Variants in BAZ2B observed in about 807,000 individuals in gnomAD.
The protein encoded by BAZ2B is bromodomain adjacent to zinc finger domain protein 2B.
BAZ2B carries 91 observed loss-of-function variants against 246.0 expected under a neutral mutation model. The ratio of observed to expected loss-of-function variants is 0.37; its 90% CI spans 0.31 to 0.44. The LOEUF (loss-of-function observed/expected upper bound fraction) is 0.44, where lower values mean the gene tolerates loss of function less well. Ranked by LOEUF, BAZ2B falls within the 20% of genes least tolerant of loss-of-function variation. The pLI is 1.00. For synonymous variants in BAZ2B, 855 were observed against 860.0 expected (o/e 0.99, Z 0.10); for missense variants, 2,332 against 2,533.7 (o/e 0.92, Z 1.71).
intron 2 of BAZ2B, among the ~76,000 whole-genome samples, chr2:159,539,812 T>C (rs2086445707): frequency 6.6e-6 from 1 of 152,212 alleles, no homozygotes; most frequent in Non-Finnish European, 1.5e-5. Context: ...TCTGCCTACC[T>C]TTATTCCCAC....
chr2:159,469,437 T>C (rs773402244), intron 3 of BAZ2B, among the ~76,000 whole-genome samples: 114 of 152,060 alleles, frequency 7.5e-4, no homozygotes, highest in Admixed American at 2.2e-3. Context: ...ACTTATTTTA[T>C]TTATTTATTT....
intron 6 of BAZ2B, 148 bp from the exon 7 acceptor site, chr2:159,439,360 T>TTTAACAACAAC: frequency 1.4e-6 from 1 of 709,860 alleles, no homozygotes; most frequent in Admixed American, 2.9e-5. Context: ...AGGATAATTA[T>TTTAACAACAAC]TTAACAAACT....
chr2:159,335,220 T>C (rs2065420998), intron 33 of BAZ2B, among the ~76,000 whole-genome samples: 1 of 152,190 alleles, frequency 6.6e-6, no homozygotes, highest in Non-Finnish European at 1.5e-5. Flanking sequence ...GTAAAAACAC[T>C]ATTAAATGAA....
rs76610996 is a variant in BAZ2B, at chr2:159,434,845, G to A, written c.1294-1482C>T. ...AGAAAAATACAATTTTCTTGGAAAA[G>A]ATTATAAACTATTAAGCCATAAAAT... On this transcript the variant is annotated intron_variant, in intron 8 of 36. Transcript: ENST00000392783. The A allele has an allele frequency of 2.3e-3, 357 of 152,028 alleles. 3 individuals carry two copies. The highest frequency in any genetic ancestry group is 8.5e-3 in the African/African-American group (352 of 41,500). The allele number at this position is 152,028 out of a possible 1,614,324, so 9.4% of individuals were successfully genotyped here.
At chr2:159,375,051 A>G (rs2061277299) in intron 25 of BAZ2B, among the ~76,000 whole-genome samples, 1 of 152,128 alleles carries the variant, frequency 6.6e-6, no homozygotes, top group African/African-American at 2.4e-5. Flanking sequence ...CCCAGTATCT[A>G]CGAAAAATAA....
intron 1 of BAZ2B, among the ~76,000 whole-genome samples, chr2:159,608,931 T>C (rs968085484): frequency 3.9e-5 from 6 of 152,176 alleles, no homozygotes; most frequent in Admixed American, 1.3e-4. Flanking sequence ...TACTTCATCA[T>C]CTAGTGTGGG....
chr2:159,575,377 G>A (rs999217442), intron 1 of BAZ2B, among the ~76,000 whole-genome samples: 5 of 152,164 alleles, frequency 3.3e-5, no homozygotes, highest in African/African-American at 4.8e-5. Context: ...ATAAAAAATA[G>A]AAGTGAAGTC....
rs1311508514 is a variant in BAZ2B, at chr2:159,325,134, T to C, written c.6210-180A>G. On this transcript the variant is annotated intron_variant, in intron 35 of 36. Transcript: ENST00000392783. Reference sequence around the variant, plus strand: ...TATATATTTTATATATATATATATATATATATATATATATGAGATAGGGTC... The same window carrying C: ...TATATATTTTATATATATATATATACATATATATATATATGAGATAGGGTC... 5.2e-4 allele frequency among the ~76,000 whole-genome samples: 23 copies of C among 43,954 alleles called. 4 individuals carry two copies. The highest frequency in any genetic ancestry group is 1.9e-3 in the Admixed American group (6 of 3,174). The allele number at this position is 43,954 out of a possible 152,430, so 28.8% of individuals were successfully genotyped here. A position where few individuals can be genotyped will look rare whatever the true frequency, so the allele number is the denominator to read the frequency against.
At chr2:159,707,737 G>T in the BAZ2B span, among the ~76,000 whole-genome samples, 1 of 152,216 alleles carries the variant, frequency 6.6e-6, no homozygotes, top group East Asian at 1.9e-4. Flanking sequence ...TGAGGAAGGA[G>T]AATCGCTTGA....
At chr2:159,432,483 C>G (rs1472328233) in intron 9 of BAZ2B, among the ~76,000 whole-genome samples, 3 of 152,070 alleles carry the variant, frequency 2.0e-5, no homozygotes. Context: ...AAAAATTAAG[C>G]AAGTTGATGA....
chr2:159,427,457 T>C (rs62173175), intron 13 of BAZ2B, among the ~76,000 whole-genome samples: 59,117 of 151,736 alleles, frequency 0.39, 12,317 homozygotes, highest in Non-Finnish European at 0.49. Flanking sequence ...TTTTAAGAAA[T>C]GACAAAAAAA....
intron 2 of BAZ2B, among the ~76,000 whole-genome samples, chr2:159,508,155 G>A (rs1383455934): frequency 6.6e-6 from 1 of 152,306 alleles, no homozygotes; most frequent in Non-Finnish European, 1.5e-5. Flanking sequence ...ACAGATGTGA[G>A]CCACAACGCC....
At chr2:159,610,605 A>G (rs537531904) in intron 1 of BAZ2B, among the ~76,000 whole-genome samples, 1 of 152,230 alleles carries the variant, frequency 6.6e-6, no homozygotes, top group African/African-American at 2.4e-5. Context: ...CCATGCACAC[A>G]TGTGCACAAC....
intron 34 of BAZ2B, among the ~76,000 whole-genome samples, chr2:159,328,715 G>A (rs11688519): frequency 0.65 from 98,402 of 152,024 alleles, 33,565 homozygotes; most frequent in Admixed American, 0.76. Context: ...AGTTTGAAAT[G>A]TCTAATATGT....
intron 16 of BAZ2B, among the ~76,000 whole-genome samples, chr2:159,402,679 T>A (rs927918807): frequency 7.2e-5 from 11 of 152,208 alleles, no homozygotes. Flanking sequence ...AGTCACTTGT[T>A]GTTCTCTTAT....
chr2:159,452,539 C>G (rs2075228810), intron 4 of BAZ2B, among the ~76,000 whole-genome samples: 1 of 152,160 alleles, frequency 6.6e-6, no homozygotes, highest in African/African-American at 2.4e-5. Context: ...CTATTTGTCT[C>G]TAGAATTATG....
chr2:159,558,784 A>G (rs2089505990), intron 1 of BAZ2B, among the ~76,000 whole-genome samples: 1 of 152,198 alleles, frequency 6.6e-6, no homozygotes, highest in Non-Finnish European at 1.5e-5. Context: ...GACATAGAAA[A>G]TACAATGAAT....
chr2:159,566,088 A>G (rs1682503237), intron 1 of BAZ2B, among the ~76,000 whole-genome samples: 1 of 152,172 alleles, frequency 6.6e-6, no homozygotes, highest in East Asian at 1.9e-4. Context: ...CTGGGCTCAC[A>G]GCAACCTCCG....
At chr2:159,598,582 G>A (rs541624156) in intron 1 of BAZ2B, among the ~76,000 whole-genome samples, 1 of 152,244 alleles carries the variant, frequency 6.6e-6, no homozygotes, top group Admixed American at 6.5e-5. Flanking sequence ...GGGTGTGGTG[G>A]CTCACACCTG....
Sources: gnomAD v4.1 joint callset for allele counts (sites outside exome capture counted in the v4.1 genomes callset) on GRCh38, gnomAD v4.1.1 for gene constraint, MANE v1.5 for transcripts, NCBI Gene and HGNC (gene_info 2026-07-23, HGNC 2026-07-21) for gene names.